Variants in RAD51AP2 observed in about 807,000 individuals in gnomAD.
The protein encoded by RAD51AP2 is RAD51-associated protein 2.
A neutral mutation model predicts 85.5 loss-of-function variants in RAD51AP2; 67 were observed. The ratio of observed to expected loss-of-function variants is 0.78; its 90% CI spans 0.64 to 0.96. The LOEUF is 0.96. Ranked by LOEUF, RAD51AP2 falls within the 40% of genes least tolerant of loss-of-function variation. RAD51AP2 has a pLI of 0.00. For missense variants in RAD51AP2, 1,307 were observed against 1,332.4 expected, an observed-to-expected ratio of 0.98 and a Z score of 0.30; for synonymous variants, 474 against 446.5, an observed-to-expected ratio of 1.06 and a Z score of -0.78.
At chr2:17,520,116 T>C (rs2103315663), upstream of RAD51AP2, among the ~76,000 whole-genome samples, 1 of 152,264 alleles carries the variant, frequency 6.6e-6, no homozygotes, top group Admixed American at 6.5e-5. Context: ...CCAGAAGTAT[T>C]ACATGTAACT....
At position 17,516,588 on chromosome 2, in the gene RAD51AP2, T is replaced by G; in HGVS notation, c.1828A>C (p.Lys610Gln). ...GGATACTTCAAATAAAGCATGCACT[T>G]GAAAATGCATTCCTCTTCTAATTCA... is the stretch of plus-strand genomic sequence containing the variant. ...DFELEEECIF[K>Q]CMLYLKYPKN... The change falls in exon 1 of 3, where the codon AAG (lysine) becomes CAG (glutamine). Residue 610 changes from lysine to glutamine, a missense_variant. Physicochemically the swap from Lys to Gln is moderately conservative, Grantham distance 53. Around this residue, in one of 3 missense-constraint regions of RAD51AP2, gnomAD observed 668 missense variants for 671.0 expected, o/e 1.00. Coordinates refer to ENST00000399080, the MANE Select transcript of RAD51AP2 (RefSeq NM_001099218.3). The G allele has an allele frequency of 6.3e-7, 1 of 1,587,128 alleles. No homozygotes were observed. The highest frequency in any genetic ancestry group is 8.6e-7 in the Non-Finnish European group (1 of 1,167,084).
At chr2:17,536,003 T>G in the RAD51AP2 span, among the ~76,000 whole-genome samples, 1 of 147,154 alleles carries the variant, frequency 6.8e-6, no homozygotes, top group Non-Finnish European at 1.5e-5. Context: ...AGGATAAAAT[T>G]TTTAAACTGT....
At chr2:17,518,473 C>A (rs1572300904), upstream of RAD51AP2, 15 of 1,552,858 alleles carry the variant, frequency 9.7e-6, no homozygotes, top group East Asian at 1.1e-4. Context: ...CCTTAATAGG[C>A]GGTTCCGGGC....
chr2:17,515,567 T>C lies in RAD51AP2; in HGVS notation c.2849A>G (p.Tyr950Cys). The C allele has an allele frequency of 6.2e-7, 1 of 1,608,534 alleles. No individual in the cohort carries two copies. Among genetic ancestry groups the C allele is most frequent in the Non-Finnish European group, 8.5e-7 (1 of 1,178,476 alleles). ...DECFQDLAAK[Y>C]LSTEALTIVK... ...TATTGTCAGAGCTTCTGTTGATAAA[T>C]ATTTAGCAGCTAAGTCCTGAAAACA... Residue 950 changes from tyrosine (Y) to cysteine (C), a missense_variant, in exon 1 of 3, where the codon TAT becomes TGT. Physicochemically the swap from Tyr to Cys is radical, Grantham distance 194. Around this residue, in one of 3 missense-constraint regions of RAD51AP2, gnomAD observed 668 missense variants for 671.0 expected, o/e 1.00. Transcript: ENST00000399080.
In RAD51AP2 at chr2:17,516,555, T is replaced by C; in HGVS notation, c.1861A>G (p.Ile621Val). The C allele has an allele frequency of 6.3e-7, 1 of 1,577,158 alleles. No individual in the cohort carries two copies. The highest frequency in any genetic ancestry group is 2.2e-5 in the East Asian group (1 of 44,556). Residue 621 changes from isoleucine to valine, a missense_variant, in exon 1 of 3, where the codon ATA becomes GTA. Ile to Val is a conservative substitution (Grantham distance 29). Coordinates refer to ENST00000399080, the MANE Select transcript of RAD51AP2 (RefSeq NM_001099218.3). Reference sequence around the variant, plus strand: ...AGATATGCAGTATGATTTTCCACTATATTTTTTGGATACTTCAAATAAAGC... The same window carrying C: ...AGATATGCAGTATGATTTTCCACTACATTTTTTGGATACTTCAAATAAAGC... Reference protein sequence around the residue: ...CMLYLKYPKNIVENHTAYLVK... With the variant: ...CMLYLKYPKNVVENHTAYLVK...
At chr2:17,511,090 CT>C in intron 2 of RAD51AP2, 135 bp from the exon 3 acceptor site, 1 of 460,192 alleles carries the variant, frequency 2.2e-6, no homozygotes, top group Non-Finnish European at 3.7e-6. Context: ...AGACACTATA[CT>C]TTAAATGCAT....
At chr2:17,511,619 A>G (rs1662497363) in intron 2 of RAD51AP2, among the ~76,000 whole-genome samples, 1 of 152,206 alleles carries the variant, frequency 6.6e-6, no homozygotes, top group Non-Finnish European at 1.5e-5. Context: ...TGTGGGGTAC[A>G]TATATAAAAC....
In RAD51AP2 at chr2:17,517,973, C is replaced by T. The variant is rs201073324; in HGVS notation, c.443G>A (p.Ser148Asn). 223 of 1,614,204 alleles carry T rather than the reference C, an allele frequency of 1.4e-4. No individual in the cohort carries two copies. In the East Asian group the frequency reaches 4.8e-3, roughly 35 times the overall value. The change falls in exon 1 of 3, where the codon AGT (serine) becomes AAT (asparagine). Residue 148 changes from serine to asparagine, a missense_variant. Physicochemically the swap from Ser to Asn is conservative, Grantham distance 46. Coordinates refer to ENST00000399080, the MANE Select transcript of RAD51AP2 (RefSeq NM_001099218.3). Reference protein sequence around the residue: ...HDREAFSVHRSNSSKAGVSQL... With the variant: ...HDREAFSVHRNNSSKAGVSQL... ...ACTAACCCCTGCTTTGGAGCTATTA[C>T]TGCGGTGCACACTGAAAGCCTCTCT...
chr2:17,516,200 G>A lies in RAD51AP2; in HGVS notation c.2216C>T (p.Pro739Leu). 1.9e-6 allele frequency: 3 copies of A among 1,613,194 alleles called. No individual in the cohort carries two copies. The highest frequency in any genetic ancestry group is 1.1e-5 in the South Asian group (1 of 91,028). ...STVKAHGNSC[P>L]QFIQNNRGYI... ...TCCTCGGTTGTTCTGTATAAATTGAGGACAAGAATTACCATGTGCTTTAAC... is the reference window on the plus strand; with the variant it reads ...TCCTCGGTTGTTCTGTATAAATTGAAGACAAGAATTACCATGTGCTTTAAC... The change falls in exon 1 of 3, where the codon CCT (proline) becomes CTT (leucine). Residue 739 changes from proline (P) to leucine (L), a missense_variant. Physicochemically the swap from Pro to Leu is moderately conservative, Grantham distance 98. This residue lies in a region of RAD51AP2 where 668 missense variants were observed against 671.0 expected (regional missense o/e 1.00). Transcript: ENST00000399080.
At chr2:17,536,970 T>G in the RAD51AP2 span, among the ~76,000 whole-genome samples, 2 of 152,140 alleles carry the variant, frequency 1.3e-5, no homozygotes, top group African/African-American at 4.8e-5. Context: ...TATTTGACTA[T>G]AGGGAAGTTA....
rs772971086 is a variant in RAD51AP2 at position 17,518,268 on chromosome 2, G to A, written c.148C>T (p.Arg50Ter). 1.2e-6 allele frequency: 2 copies of A among 1,613,956 alleles called. No homozygotes were observed. The highest frequency in any genetic ancestry group is 2.2e-5 in the East Asian group (1 of 44,894). Reference protein sequence around the residue: ...EPGGVFKAGWRLPLVPRLSEA... With the variant: ...EPGGVFKAGW The stretch of plus-strand genomic sequence containing the variant: ...GACAAGCGAGGCACCAGAGGCAGTC[G>A]CCAGCCCGCCTTAAAGACACCTCCA... The change falls in exon 1 of 3, where the codon CGA (arginine) becomes TGA (stop). Residue 50 changes from arginine to a stop codon, truncating the protein, a stop_gained. Transcript: ENST00000399080. LOFTEE classifies it high-confidence loss of function.
chr2:17,524,716 A>G, the RAD51AP2 span, among the ~76,000 whole-genome samples: 3 of 151,942 alleles, frequency 2.0e-5, no homozygotes, highest in East Asian at 3.8e-4. Flanking sequence ...GGTTATCTTC[A>G]TATTTCCAAT....
chr2:17,535,199 G>A, the RAD51AP2 span, among the ~76,000 whole-genome samples: 2 of 152,180 alleles, frequency 1.3e-5, no homozygotes, highest in Admixed American at 1.3e-4. Flanking sequence ...TTAAAGGCAA[G>A]ACAAGGGAAG....
upstream of RAD51AP2, among the ~76,000 whole-genome samples, chr2:17,522,337 GCTT>G (rs1558269442): frequency 3.3e-5 from 5 of 152,032 alleles, no homozygotes; most frequent in African/African-American, 1.2e-4. Context: ...GCCATATGCT[GCTT>G]CGTTTGCTTA....
rs527283105 is a variant in RAD51AP2, at chr2:17,512,779, G to T, written c.3328+1233C>A. Among the ~76,000 whole-genome samples, 51 of 152,256 alleles carry T rather than the reference G, an allele frequency of 3.3e-4. 1 individual carries two copies. The highest frequency in any genetic ancestry group is 1.1e-3 in the African/African-American group (45 of 41,542). ...ACTACTTTTTGACTCATGGAGTATT[G>T]TTCCATCAGTTACTTCCTTCATCCC... On this transcript the variant is annotated intron_variant, in intron 2 of 2. Coordinates refer to ENST00000399080, the MANE Select transcript of RAD51AP2 (RefSeq NM_001099218.3).
At chr2:17,524,118 C>CT in the RAD51AP2 span, among the ~76,000 whole-genome samples, 3 of 151,912 alleles carry the variant, frequency 2.0e-5, no homozygotes, top group South Asian at 2.1e-4. Context: ...CTGTTCACAA[C>CT]TTTGTCCTAG....
upstream of RAD51AP2, among the ~76,000 whole-genome samples, chr2:17,521,942 A>G (rs1352654650): frequency 6.6e-6 from 1 of 151,998 alleles, no homozygotes. Context: ...TTTTACATCA[A>G]ATATGACCCT....
At chr2:17,527,902 G>A in the RAD51AP2 span, among the ~76,000 whole-genome samples, 3,684 of 152,270 alleles carry the variant, frequency 0.024, 44 homozygotes, top group Middle Eastern at 0.054. Flanking sequence ...ATATTAAAAT[G>A]ATTTGGCATG....
At chr2:17,535,881 C>A in the RAD51AP2 span, among the ~76,000 whole-genome samples, 1 of 142,114 alleles carries the variant, frequency 7.0e-6, no homozygotes, top group Non-Finnish European at 1.5e-5. Context: ...TCTTCTTGAA[C>A]ACCCCCTTAG....
Sources: gnomAD v4.1 joint callset for allele counts (sites outside exome capture counted in the v4.1 genomes callset) on GRCh38, gnomAD v4.1.1 for gene constraint, gnomAD v4.1.1 regional missense constraint, MANE v1.5 for transcripts, NCBI Gene and HGNC (gene_info 2026-07-23, HGNC 2026-07-21) for gene names.